The following CCDC171 variants were observed in gnomAD, a reference collection of about 807,000 sequenced individuals.
CCDC171 encodes coiled-coil domain-containing protein 171.
A neutral mutation model predicts 168.2 loss-of-function variants in CCDC171; 177 were observed. The observed-to-expected ratio is 1.05, with a 90% confidence interval of 0.93 to 1.19. The LOEUF (loss-of-function observed/expected upper bound fraction) is 1.19. Among genes scored for constraint, CCDC171 ranks in the 50% most tolerant of loss-of-function variants. CCDC171 has a pLI of 0.00. For missense variants in CCDC171, 1,991 were observed against 1,539.0 expected (o/e 1.29, Z -4.91); for synonymous variants, 687 against 540.8 (o/e 1.27, Z -3.75).
chr9:15,703,713 A>G (rs979055780), intron 11 of CCDC171, among the ~76,000 whole-genome samples: 1 of 152,220 alleles, frequency 6.6e-6, no homozygotes, highest in Non-Finnish European at 1.5e-5. Flanking sequence ...TGCAGTTAAC[A>G]TGGGATTGAA....
intron 18 of CCDC171, among the ~76,000 whole-genome samples, chr9:15,767,790 C>T (rs1253538971): frequency 6.8e-6 from 1 of 146,312 alleles, no homozygotes; most frequent in Non-Finnish European, 1.5e-5. Context: ...GTTTGTGTGC[C>T]CTATGGGCTC....
At chr9:16,066,582 G>C (rs1833993236), downstream of CCDC171, among the ~76,000 whole-genome samples, 1 of 148,686 alleles carries the variant, frequency 6.7e-6, no homozygotes, top group Non-Finnish European at 1.5e-5. Flanking sequence ...TCTAGCATTA[G>C]GTATATCTCC....
At chr9:16,009,010 G>A (rs1336595522) in intron 3 of CCDC171, among the ~76,000 whole-genome samples, 1 of 151,612 alleles carries the variant, frequency 6.6e-6, no homozygotes, top group East Asian at 1.9e-4. Context: ...CTTTTCTTCC[G>A]CAATAATACA....
At chr9:15,750,583 C>T (rs997998076) in intron 18 of CCDC171, among the ~76,000 whole-genome samples, 1 of 151,504 alleles carries the variant, frequency 6.6e-6, no homozygotes, top group Non-Finnish European at 1.5e-5. Context: ...TACTGGCAAA[C>T]CGAATCCAGC....
chr9:15,957,457 A>G (rs1829912254), intron 25 of CCDC171, among the ~76,000 whole-genome samples: 1 of 152,244 alleles, frequency 6.6e-6, no homozygotes, highest in South Asian at 2.1e-4. Flanking sequence ...AGCACCTTAA[A>G]AGATTTTACA....
At chr9:15,627,632 A>G (rs2045273622) in intron 7 of CCDC171, among the ~76,000 whole-genome samples, 1 of 152,144 alleles carries the variant, frequency 6.6e-6, no homozygotes, top group South Asian at 2.1e-4. Context: ...GTGGTTTTGA[A>G]TGAGTTTCTT....
chr9:16,037,517 G>A (rs1418931102), intron 8 of CCDC171, among the ~76,000 whole-genome samples: 1 of 152,174 alleles, frequency 6.6e-6, no homozygotes. Context: ...AGCGAGATCA[G>A]ATCCCCAGGC....
intron 11 of CCDC171, among the ~76,000 whole-genome samples, chr9:15,705,336 G>T (rs2052132404): frequency 6.6e-6 from 1 of 152,148 alleles, no homozygotes; most frequent in Admixed American, 6.5e-5. Context: ...TCTAAACCTT[G>T]TAAGGTCCTG....
chr9:16,075,089 C>A, the CCDC171 span, among the ~76,000 whole-genome samples: 68 of 152,302 alleles, frequency 4.5e-4, no homozygotes, highest in African/African-American at 1.6e-3. Context: ...TTACTTTTGC[C>A]TTGAATTCCA....
In CCDC171 at chr9:15,967,377, T is replaced by A. The variant is rs575455636; in HGVS notation, c.3754-4232T>A. On this transcript the variant is annotated intron_variant, in intron 25 of 25. Coordinates refer to ENST00000380701, the MANE Select transcript of CCDC171 (RefSeq NM_173550.4). Reference sequence around the variant, plus strand: ...AGTAATGAAAAGAGTACTATAGAATTTAATTGAATGAAGCCACATCATCTA... The same window carrying A: ...AGTAATGAAAAGAGTACTATAGAATATAATTGAATGAAGCCACATCATCTA... Among the ~76,000 whole-genome samples the A allele has an allele frequency of 1.1e-4, 17 of 152,288 alleles. No individual in the cohort carries two copies. In the South Asian group the frequency reaches 2.7e-3, roughly 24 times the overall value.
the CCDC171 span, among the ~76,000 whole-genome samples, chr9:16,075,753 A>G: frequency 6.6e-6 from 1 of 152,204 alleles, no homozygotes. Context: ...GGGAGGAAAT[A>G]ATCTCTATAG....
At chr9:15,905,901 G>T (rs902617880) in intron 24 of CCDC171, among the ~76,000 whole-genome samples, 2 of 152,136 alleles carry the variant, frequency 1.3e-5, no homozygotes, top group African/African-American at 4.8e-5. Context: ...ACACCTCTAC[G>T]CAAATAAACT....
At chr9:15,814,264 C>T (rs896260364) in intron 21 of CCDC171, among the ~76,000 whole-genome samples, 9 of 152,258 alleles carry the variant, frequency 5.9e-5, no homozygotes, top group Non-Finnish European at 1.0e-4. Flanking sequence ...TGATTTCTCC[C>T]AGTTAGTCTA....
At chr9:15,627,315 C>T (rs983503581) in intron 7 of CCDC171, among the ~76,000 whole-genome samples, 2 of 151,952 alleles carry the variant, frequency 1.3e-5, no homozygotes, top group African/African-American at 4.8e-5. Context: ...GTCTTTATCT[C>T]TTTCAGTTCT....
chr9:15,999,521 C>T (rs79706098), intron 3 of CCDC171, among the ~76,000 whole-genome samples: 8 of 152,178 alleles, frequency 5.3e-5, no homozygotes, highest in African/African-American at 1.9e-4. Context: ...GCTCGGACCT[C>T]TCTATCCATC....
chr9:15,619,020 C>T (rs1390780356), intron 6 of CCDC171, among the ~76,000 whole-genome samples: 1 of 152,076 alleles, frequency 6.6e-6, no homozygotes. Flanking sequence ...TGTTTTGGGG[C>T]ACCATGAACC....
Position 15,807,853 on chromosome 9 carries a change from A to C in CCDC171, c.3267+23159A>C, listed in dbSNP as rs75693622. On this transcript the variant is annotated intron_variant, in intron 21 of 25. Transcript: ENST00000380701. ...AGCAAGATTGCCGTTTCTGCTTGGA[A>C]TCTTCCTTCTTGCTCCATGGTCCAA... Among the ~76,000 whole-genome samples, 1,428 of 150,812 alleles carry C rather than the reference A, an allele frequency of 9.5e-3. 26 individuals are homozygous for C. Among genetic ancestry groups the C allele is most frequent in the African/African-American group, 0.033 (1,365 of 41,018 alleles).
rs185620758 is a variant in CCDC171, at chr9:15,932,892, A to G, written c.3753+12470A>G. Among the ~76,000 whole-genome samples the G allele has an allele frequency of 1.2e-3, 188 of 152,112 alleles. 1 individual carries two copies. Among genetic ancestry groups the G allele is most frequent in the African/African-American group, 4.4e-3 (181 of 41,552 alleles). On this transcript the variant is annotated intron_variant, in intron 25 of 25. Coordinates refer to ENST00000380701, the MANE Select transcript of CCDC171 (RefSeq NM_173550.4). ...TCTTTATGTTAATGTGGTATATCAC[A>G]GTTATGGATTTGTGTATATTAAACC...
chr9:15,839,016 G>A (rs1251153992), intron 21 of CCDC171, among the ~76,000 whole-genome samples: 2 of 151,994 alleles, frequency 1.3e-5, no homozygotes, highest in African/African-American at 2.4e-5. Flanking sequence ...TTTTTGAAAG[G>A]TTAAAAAAAG....
Sources: allele counts gnomAD v4.1 joint callset (sites outside exome capture counted in the v4.1 genomes callset), GRCh38; gene constraint gnomAD v4.1.1; transcripts MANE v1.5; gene names NCBI Gene and HGNC (gene_info 2026-07-23, HGNC 2026-07-21).